The following DSCAM variants were observed in gnomAD, a reference collection of about 807,000 sequenced individuals.
DSCAM encodes DS cell adhesion molecule.
Under a neutral mutation model 217.7 loss-of-function variants are expected in DSCAM, and 47 were observed. That is an observed-to-expected ratio of 0.22 (90% confidence interval 0.17 to 0.28). DSCAM has a LOEUF of 0.28. DSCAM is among the 10% of genes least tolerant of loss of function. The pLI is 1.00. For synonymous variants in DSCAM, 1,056 were observed against 1,015.3 expected (o/e 1.04, Z -0.76); for missense variants, 2,080 against 2,618.3 (o/e 0.79, Z 4.49).
At chr21:40,230,009 A>T (rs1467158217) in intron 11 of DSCAM, among the ~76,000 whole-genome samples, 1 of 152,208 alleles carries the variant, frequency 6.6e-6, no homozygotes, top group Non-Finnish European at 1.5e-5. Flanking sequence ...ATACTATCAG[A>T]TCTTTGGATT....
intron 3 of DSCAM, among the ~76,000 whole-genome samples, chr21:40,475,788 GC>G (rs1297173300): frequency 1.3e-5 from 2 of 152,072 alleles, no homozygotes; most frequent in Non-Finnish European, 2.9e-5. Context: ...CCTAGATCGT[GC>G]CGTCGCACTC....
intron 3 of DSCAM, among the ~76,000 whole-genome samples, chr21:40,519,970 T>C (rs2076346012): frequency 6.6e-6 from 1 of 152,140 alleles, no homozygotes; most frequent in Non-Finnish European, 1.5e-5. Context: ...ACACATGACC[T>C]TCCTTCTTAT....
chr21:40,639,075 A>C lies in DSCAM; in HGVS notation c.508+53735T>G, dbSNP rs1467371. Among the ~76,000 whole-genome samples the C allele has an allele frequency of 4.8e-3, 706 of 146,036 alleles. 4 individuals are homozygous for C. The highest frequency in any genetic ancestry group is 0.014 in the African/African-American group (548 of 39,674). On this transcript the variant is annotated intron_variant, in intron 3 of 32. Coordinates refer to ENST00000400454, the MANE Select transcript of DSCAM (RefSeq NM_001389.5). ...CGTCATAGACCCATAAATATCCTGC[A>C]TTTTTTTTTTTTTTACAGCAGCCTC... is the stretch of plus-strand genomic sequence containing the variant.
At chr21:40,689,657 G>A (rs13049943) in intron 3 of DSCAM, among the ~76,000 whole-genome samples, 4,975 of 152,330 alleles carry the variant, frequency 0.033, 114 homozygotes, top group East Asian at 0.11. Context: ...GAGTACGAAT[G>A]CTTCCTGGAA....
chr21:40,244,479 A>G (rs1209307670), intron 11 of DSCAM, among the ~76,000 whole-genome samples: 1 of 151,644 alleles, frequency 6.6e-6, no homozygotes. Flanking sequence ...AAAAGTCACA[A>G]TTGTGCAGCA....
chr21:40,761,341 C>T (rs910775903), intron 1 of DSCAM, among the ~76,000 whole-genome samples: 2 of 151,986 alleles, frequency 1.3e-5, no homozygotes, highest in African/African-American at 2.4e-5. Flanking sequence ...CTCATGGCCC[C>T]CCCTCTATTT....
chr21:40,833,897 A>T (rs1569059991), intron 1 of DSCAM, among the ~76,000 whole-genome samples: 1 of 152,124 alleles, frequency 6.6e-6, no homozygotes, highest in East Asian at 1.9e-4. Context: ...TGTCCTGTGC[A>T]TTACAGGGTG....
chr21:40,637,213 A>G (rs1601810487), intron 3 of DSCAM, among the ~76,000 whole-genome samples: 1 of 6,032 alleles, frequency 1.7e-4, no homozygotes, highest in African/African-American at 1.9e-3. Flanking sequence ...ATAAATATAT[A>G]TAAATATAAA....
At chr21:40,029,452 G>T (rs1256471401) in intron 32 of DSCAM, among the ~76,000 whole-genome samples, 1 of 151,424 alleles carries the variant, frequency 6.6e-6, no homozygotes, top group East Asian at 1.9e-4. Context: ...GTGGGAAAAG[G>T]CCACTGCCTG....
intron 1 of DSCAM, among the ~76,000 whole-genome samples, chr21:40,743,526 C>A (rs980420870): frequency 2.8e-4 from 43 of 152,164 alleles, no homozygotes; most frequent in African/African-American, 1.0e-3. Context: ...AAGAGGTTAA[C>A]CTGCTAGAGA....
chr21:40,020,719 T>C (rs914648055), intron 32 of DSCAM, among the ~76,000 whole-genome samples: 8 of 152,196 alleles, frequency 5.3e-5, no homozygotes, highest in African/African-American at 1.7e-4. Flanking sequence ...CCTGCTCACC[T>C]ACCTGCCCGC....
chr21:40,424,432 C>A (rs1369050947), intron 3 of DSCAM, among the ~76,000 whole-genome samples: 1 of 152,188 alleles, frequency 6.6e-6, no homozygotes, highest in Non-Finnish European at 1.5e-5. Flanking sequence ...AGCCGTGTGA[C>A]TGGCGTGATG....
chr21:40,563,656 A>ATG (rs1491398012), intron 3 of DSCAM, among the ~76,000 whole-genome samples: 1 of 124,532 alleles, frequency 8.0e-6, no homozygotes, highest in African/African-American at 3.4e-5. Context: ...TTATATGTTT[A>ATG]TGTTTGTTTA....
chr21:40,432,868 C>T (rs1330716550), intron 3 of DSCAM, among the ~76,000 whole-genome samples: 1 of 152,150 alleles, frequency 6.6e-6, no homozygotes, highest in African/African-American at 2.4e-5. Context: ...GGTAGCTGAG[C>T]TGGGTTTGCA....
intron 1 of DSCAM, among the ~76,000 whole-genome samples, chr21:40,774,964 G>A (rs1039532715): frequency 9.1e-6 from 1 of 109,952 alleles, no homozygotes; most frequent in African/African-American, 3.5e-5. Context: ...AAATTATTAT[G>A]TAATAATTAT....
intron 19 of DSCAM, among the ~76,000 whole-genome samples, chr21:40,132,664 G>A (rs1048536511): frequency 6.6e-6 from 1 of 152,240 alleles, no homozygotes; most frequent in Non-Finnish European, 1.5e-5. Context: ...GATGCCTGGG[G>A]CTGCTCGGAG....
At chr21:40,389,024 A>G (rs902168006) in intron 3 of DSCAM, among the ~76,000 whole-genome samples, 1 of 152,210 alleles carries the variant, frequency 6.6e-6, no homozygotes, top group Non-Finnish European at 1.5e-5. Context: ...CTTTCCCTCA[A>G]TGTAATTCAA....
intron 1 of DSCAM, among the ~76,000 whole-genome samples, chr21:40,779,380 A>G (rs1429023559): frequency 1.3e-5 from 2 of 152,190 alleles, no homozygotes; most frequent in Non-Finnish European, 2.9e-5. Context: ...TTTGGTTCAG[A>G]CGTCAGTATT....
intron 11 of DSCAM, among the ~76,000 whole-genome samples, chr21:40,222,540 C>T (rs405531): frequency 0.45 from 68,560 of 151,980 alleles, 15,776 homozygotes; most frequent in African/African-American, 0.53. Context: ...CACCTCTGTG[C>T]GAATTGTATT....
Sources: allele counts gnomAD v4.1 joint callset (sites outside exome capture counted in the v4.1 genomes callset), GRCh38; gene constraint gnomAD v4.1.1; transcripts MANE v1.5; gene names NCBI Gene and HGNC (gene_info 2026-07-23, HGNC 2026-07-21).